Variants in LRRTM3 observed in about 807,000 individuals in gnomAD.
The protein encoded by LRRTM3 is leucine-rich repeat transmembrane neuronal protein 3.
LRRTM3 carries 24 observed loss-of-function variants against 44.7 expected under a neutral mutation model. That is an observed-to-expected ratio of 0.54 (90% CI 0.39 to 0.76). The LOEUF is 0.76. Ranked by LOEUF, LRRTM3 falls within the 30% of genes least tolerant of loss-of-function variation. The pLI is 0.00. For missense variants in LRRTM3, 587 were observed against 702.2 expected, an observed-to-expected ratio of 0.84 and a Z score of 1.85; for synonymous variants, 277 against 278.7, an observed-to-expected ratio of 0.99 and a Z score of 0.06.
intron 2 of LRRTM3, among the ~76,000 whole-genome samples, chr10:66,948,636 C>T (rs764873356): frequency 1.3e-5 from 2 of 152,122 alleles, no homozygotes; most frequent in Admixed American, 1.3e-4. Context: ...TTTATATCTA[C>T]AGGAAGAATA....
At chr10:66,968,914 C>T (rs180805869) in intron 2 of LRRTM3, among the ~76,000 whole-genome samples, 10 of 151,800 alleles carry the variant, frequency 6.6e-5, no homozygotes, top group African/African-American at 1.2e-4. Flanking sequence ...CTGCTGGGGG[C>T]GCTGAGGCAG....
At chr10:67,038,498 T>G (rs1854202799) in intron 2 of LRRTM3, among the ~76,000 whole-genome samples, 2 of 152,114 alleles carry the variant, frequency 1.3e-5, no homozygotes, top group South Asian at 2.1e-4. Context: ...GGACAACTCA[T>G]TTATGAAAAT....
intron 2 of LRRTM3, among the ~76,000 whole-genome samples, chr10:66,962,716 C>T (rs1326263976): frequency 6.6e-6 from 1 of 151,994 alleles, no homozygotes; most frequent in Non-Finnish European, 1.5e-5. Flanking sequence ...TGGCCCACCT[C>T]CTCTAAGTCT....
At chr10:67,095,352 G>T (rs74913602) in intron 2 of LRRTM3, among the ~76,000 whole-genome samples, 2,654 of 151,720 alleles carry the variant, frequency 0.017, 84 homozygotes, top group East Asian at 0.12. Flanking sequence ...AAAAAATGTG[G>T]ATTTATATTT....
chr10:66,958,607 T>G (rs1848959028), intron 2 of LRRTM3, among the ~76,000 whole-genome samples: 1 of 151,850 alleles, frequency 6.6e-6, no homozygotes, highest in Admixed American at 6.6e-5. Flanking sequence ...ATTAAATACT[T>G]ACAGAAAACA....
At chr10:67,016,346 C>T (rs934367579) in intron 2 of LRRTM3, among the ~76,000 whole-genome samples, 4 of 152,152 alleles carry the variant, frequency 2.6e-5, no homozygotes, top group Non-Finnish European at 5.9e-5. Flanking sequence ...ATTTTCTTAA[C>T]ATTGAAAGTA....
chr10:67,039,666 A>C (rs937795595), intron 2 of LRRTM3, among the ~76,000 whole-genome samples: 1 of 152,176 alleles, frequency 6.6e-6, no homozygotes, highest in Non-Finnish European at 1.5e-5. Context: ...AAATCATGAC[A>C]GAACACCAGC....
intron 2 of LRRTM3, chr10:67,015,531 C>T (rs977697457): frequency 6.6e-6 from 1 of 152,090 alleles, no homozygotes; most frequent in African/African-American, 2.4e-5. Context: ...GAAAGCCAAC[C>T]TTTATTCTCC....
At chr10:67,034,485 T>C (rs1853922240) in intron 2 of LRRTM3, among the ~76,000 whole-genome samples, 1 of 152,344 alleles carries the variant, frequency 6.6e-6, no homozygotes, top group South Asian at 2.1e-4. Context: ...CTCTCTAGTG[T>C]CTTAGGCTCT....
At chr10:67,004,995 C>T (rs1457275594) in intron 2 of LRRTM3, among the ~76,000 whole-genome samples, 4 of 152,138 alleles carry the variant, frequency 2.6e-5, no homozygotes, top group South Asian at 2.1e-4. Flanking sequence ...ACTATTTACT[C>T]GCCAAACCCT....
chr10:67,075,263 TA>T (rs943470561), intron 2 of LRRTM3, among the ~76,000 whole-genome samples: 36 of 151,218 alleles, frequency 2.4e-4, no homozygotes, highest in Admixed American at 5.3e-4. Flanking sequence ...AATCTTAAAT[TA>T]AAAAAAAATC....
intron 2 of LRRTM3, 73 bp downstream of exon 2, chr10:66,928,525 T>A: frequency 1.4e-6 from 2 of 1,394,972 alleles, no homozygotes; most frequent in African/African-American, 1.4e-5. Context: ...CTCTGGTGAC[T>A]ATCAAGGGAA....
At chr10:67,045,496 C>A (rs936407318) in intron 2 of LRRTM3, among the ~76,000 whole-genome samples, 1 of 152,050 alleles carries the variant, frequency 6.6e-6, no homozygotes, top group Non-Finnish European at 1.5e-5. Flanking sequence ...TAGATCGCGG[C>A]GAGGGAACTG....
At chr10:66,937,870 C>T (rs1441744601) in intron 2 of LRRTM3, among the ~76,000 whole-genome samples, 1 of 152,122 alleles carries the variant, frequency 6.6e-6, no homozygotes, top group Non-Finnish European at 1.5e-5. Context: ...TCTTATTAAT[C>T]TTTTCCTTCC....
At chr10:66,996,929 T>C (rs1231944510) in intron 2 of LRRTM3, among the ~76,000 whole-genome samples, 1 of 152,122 alleles carries the variant, frequency 6.6e-6, no homozygotes, top group Non-Finnish European at 1.5e-5. Flanking sequence ...TGAGTACTAC[T>C]GGTTTGTGAC....
At position 67,044,655 on chromosome 10, in the gene LRRTM3, C is replaced by A. The variant is rs563389417; in HGVS notation, c.1537-52932C>A. 1.5e-3 allele frequency among the ~76,000 whole-genome samples: 230 copies of A among 152,206 alleles called. 1 individual carries two copies. The highest frequency in any genetic ancestry group is 3.9e-3 in the South Asian group (19 of 4,822). Reference sequence around the variant, plus strand: ...TTATATTAAGTTTGTGAAATGAATACAAAAGCTAAGATAACTTTTGTTTTT... The same window carrying A: ...TTATATTAAGTTTGTGAAATGAATAAAAAAGCTAAGATAACTTTTGTTTTT... On this transcript the variant is annotated intron_variant, in intron 2 of 2. Transcript: ENST00000361320.
At chr10:66,961,901 G>A (rs78801677) in intron 2 of LRRTM3, among the ~76,000 whole-genome samples, 9,273 of 152,086 alleles carry the variant, frequency 0.061, 393 homozygotes, top group Middle Eastern at 0.13. Flanking sequence ...AATGTTTGAA[G>A]TCATTCTTGA....
In LRRTM3 at chr10:67,099,205, C is replaced by G. The variant is rs930250201; in HGVS notation, c.*1409C>G. On this transcript the variant is annotated 3_prime_UTR_variant, in exon 3 of 3. Coordinates refer to ENST00000361320, the MANE Select transcript of LRRTM3 (RefSeq NM_178011.5). ...ATTGTATTATAAAGTTCATTCAAAT[C>G]AAATTAAGAAAACCTGAGTCTTTAG... The G allele has an allele frequency of 6.6e-6, 1 of 151,728 alleles. No individual in the cohort carries two copies. Among genetic ancestry groups the G allele is most frequent in the Non-Finnish European group, 1.5e-5 (1 of 67,800 alleles). 9.4% of individuals were successfully genotyped at this position (151,728 alleles called of 1,614,324 possible).
At chr10:66,980,516 C>A (rs1373886198) in intron 2 of LRRTM3, among the ~76,000 whole-genome samples, 1 of 127,808 alleles carries the variant, frequency 7.8e-6, no homozygotes, top group Non-Finnish European at 1.7e-5. Context: ...CTTCTGTTTC[C>A]CAAGCAAAAA....
Sources: gnomAD v4.1 joint callset for allele counts (sites outside exome capture counted in the v4.1 genomes callset) on GRCh38, gnomAD v4.1.1 for gene constraint, MANE v1.5 for transcripts, NCBI Gene and HGNC (gene_info 2026-07-23, HGNC 2026-07-21) for gene names.